ZBTB7C: variants seen among roughly 807,000 people sequenced by gnomAD.
The protein encoded by ZBTB7C is zinc finger and BTB domain-containing protein 7C.
ZBTB7C carries 8 observed loss-of-function variants against 25.7 expected under a neutral mutation model. That is an observed-to-expected ratio of 0.31 (90% CI 0.18 to 0.56). The LOEUF (loss-of-function observed/expected upper bound fraction) is 0.56, where lower values mean the gene tolerates loss of function less well. Ranked by LOEUF, ZBTB7C falls within the 20% of genes least tolerant of loss-of-function variation. The pLI is 0.91. For missense variants in ZBTB7C, 824 were observed against 855.2 expected, an observed-to-expected ratio of 0.96 and a Z score of 0.46; for synonymous variants, 394 against 369.0, an observed-to-expected ratio of 1.07 and a Z score of -0.78.
At chr18:48,155,499 T>C (rs958125721) in intron 3 of ZBTB7C, among the ~76,000 whole-genome samples, 4 of 148,606 alleles carry the variant, frequency 2.7e-5, no homozygotes, top group African/African-American at 1.0e-4. Flanking sequence ...GGCTAATTTT[T>C]TGTATTTTTT....
chr18:48,190,487 T>C (rs2042166664), intron 2 of ZBTB7C, among the ~76,000 whole-genome samples: 1 of 152,132 alleles, frequency 6.6e-6, no homozygotes, highest in Non-Finnish European at 1.5e-5. Flanking sequence ...TGAGCAATTG[T>C]CTTAGTGTCA....
At chr18:48,188,558 C>G (rs534884892) in intron 2 of ZBTB7C, among the ~76,000 whole-genome samples, 1 of 152,150 alleles carries the variant, frequency 6.6e-6, no homozygotes, top group Non-Finnish European at 1.5e-5. Flanking sequence ...GGGGACACAG[C>G]CAAACTATAT....
chr18:48,099,124 C>A (rs1224899171), intron 3 of ZBTB7C, among the ~76,000 whole-genome samples: 1 of 152,138 alleles, frequency 6.6e-6, no homozygotes, highest in Non-Finnish European at 1.5e-5. Flanking sequence ...GCCTCAGCTG[C>A]CTTATCAATA....
At chr18:48,093,750 A>T (rs987514480) in intron 3 of ZBTB7C, among the ~76,000 whole-genome samples, 2 of 152,206 alleles carry the variant, frequency 1.3e-5, no homozygotes, top group Admixed American at 6.5e-5. Flanking sequence ...GGTTTTTAAA[A>T]TTTTTAAAAG....
chr18:48,311,763 T>A (rs2045826449), intron 2 of ZBTB7C, among the ~76,000 whole-genome samples: 1 of 152,220 alleles, frequency 6.6e-6, no homozygotes, highest in South Asian at 2.1e-4. Flanking sequence ...ACAGTAAAGA[T>A]ATCAAAGTTA....
At chr18:48,351,385 G>A (rs995183765) in intron 1 of ZBTB7C, among the ~76,000 whole-genome samples, 2 of 152,116 alleles carry the variant, frequency 1.3e-5, no homozygotes, top group Admixed American at 6.5e-5. Flanking sequence ...AAGTTCAAAG[G>A]TGTTAAAAGA....
chr18:48,354,645 A>G (rs2046937871), intron 1 of ZBTB7C, among the ~76,000 whole-genome samples: 1 of 151,950 alleles, frequency 6.6e-6, no homozygotes, highest in African/African-American at 2.4e-5. Flanking sequence ...CATCTACTAG[A>G]CTCAGGAACT....
chr18:48,116,407 C>T (rs1009590632), intron 3 of ZBTB7C, among the ~76,000 whole-genome samples: 3 of 152,236 alleles, frequency 2.0e-5, no homozygotes, highest in African/African-American at 7.2e-5. Flanking sequence ...GCAGCCTCTT[C>T]CCAGGACCTA....
intron 2 of ZBTB7C, among the ~76,000 whole-genome samples, chr18:48,255,411 C>T (rs9954481): frequency 0.5 from 75,406 of 151,964 alleles, 20,246 homozygotes; most frequent in East Asian, 0.67. Flanking sequence ...TCTAAGAGGC[C>T]ATTGGTTTGG....
In ZBTB7C at chr18:48,245,345, T is replaced by C. The variant is rs572856137; in HGVS notation, c.-78-59350A>G. On this transcript the variant is annotated intron_variant, in intron 2 of 4. Coordinates refer to ENST00000590800, the MANE Select transcript of ZBTB7C (RefSeq NM_001318841.2). ...GGAAGGGTGGGAGGGGAGTGAGGGATAAAAGACTACACATTGGGTACAGTG... is the reference window on the plus strand; with the variant it reads ...GGAAGGGTGGGAGGGGAGTGAGGGACAAAAGACTACACATTGGGTACAGTG... Among the ~76,000 whole-genome samples the C allele has an allele frequency of 1.2e-4, 18 of 151,456 alleles. No homozygotes were observed. The South Asian group carries it at 3.8e-3, about 32-fold the overall frequency.
chr18:48,096,388 G>A (rs577330350), intron 3 of ZBTB7C, among the ~76,000 whole-genome samples: 1 of 152,294 alleles, frequency 6.6e-6, no homozygotes, highest in Non-Finnish European at 1.5e-5. Context: ...TTCTGGGCAG[G>A]GCACTTAGCG....
chr18:48,075,865 A>G (rs2037743310), intron 3 of ZBTB7C, among the ~76,000 whole-genome samples: 1 of 152,134 alleles, frequency 6.6e-6, no homozygotes, highest in Non-Finnish European at 1.5e-5. Flanking sequence ...AAGATGCCCC[A>G]TCCTCCCAAA....
At chr18:48,227,733 C>G (rs994594198) in intron 2 of ZBTB7C, among the ~76,000 whole-genome samples, 5 of 152,156 alleles carry the variant, frequency 3.3e-5, no homozygotes, top group Non-Finnish European at 1.5e-5. Flanking sequence ...GATTGCTGGA[C>G]TAGTCTTTGC....
intron 3 of ZBTB7C, among the ~76,000 whole-genome samples, chr18:48,166,836 T>G (rs576750763): frequency 2.0e-5 from 3 of 152,166 alleles, no homozygotes; most frequent in Non-Finnish European, 4.4e-5. Context: ...GGAACAAGCC[T>G]CTGGCACCTA....
Position 48,058,882 on chromosome 18 carries a change from G to T in ZBTB7C, c.-16-17759C>A, listed in dbSNP as rs553840856. On this transcript the variant is annotated intron_variant, in intron 3 of 4. Transcript: ENST00000590800. Reference sequence around the variant, plus strand: ...AGGAGAGGTATGAAGAGGGACTGAGGCCTCCCATCAACGGCCAGCACAACT... The same window carrying T: ...AGGAGAGGTATGAAGAGGGACTGAGTCCTCCCATCAACGGCCAGCACAACT... 1.1e-4 allele frequency among the ~76,000 whole-genome samples: 17 copies of T among 152,312 alleles called. No individual in the cohort carries two copies. In the South Asian group the frequency reaches 1.4e-3, roughly 13 times the overall value.
chr18:48,105,106 A>G lies in ZBTB7C; in HGVS notation c.-16-63983T>C, dbSNP rs181552232. 5.3e-4 allele frequency among the ~76,000 whole-genome samples: 80 copies of G among 152,314 alleles called. 1 individual carries two copies. In the East Asian group the frequency reaches 0.014, roughly 26 times the overall value. Reference sequence around the variant, plus strand: ...TGTCCAGAGTGTTTGCAAAGGATGTATGCTCCAGTCCTTTCGTTTCTGTCC... The same window carrying G: ...TGTCCAGAGTGTTTGCAAAGGATGTGTGCTCCAGTCCTTTCGTTTCTGTCC... On this transcript the variant is annotated intron_variant, in intron 3 of 4. Transcript: ENST00000590800.
At position 48,029,876 on chromosome 18, in the gene ZBTB7C, G is replaced by C; in HGVS notation, c.1244C>G (p.Thr415Arg). Residue 415 changes from threonine to arginine, a missense_variant, in exon 5 of 5, where the codon ACA becomes AGA. By Grantham distance (71) the Thr-to-Arg change is moderately conservative. Transcript: ENST00000590800. ...GATGCACAGGTAGGGCCGCTCCCCT[G>C]TGTGCTTCCGCATGTGGATTTTCAG... ...DKLKIHMRKH[T>R]GERPYLCIHC... The C allele has an allele frequency of 6.2e-7, 1 of 1,611,664 alleles. No homozygotes were observed. Among genetic ancestry groups the C allele is most frequent in the Non-Finnish European group, 8.5e-7 (1 of 1,180,012 alleles).
At chr18:48,076,851 T>C (rs1424160131) in intron 3 of ZBTB7C, 1 of 786,862 alleles carries the variant, frequency 1.3e-6, no homozygotes, top group Admixed American at 6.3e-5. Context: ...AATGTAGTCA[T>C]TATGCCCTGC....
chr18:48,147,469 C>T (rs2040529545), intron 3 of ZBTB7C, among the ~76,000 whole-genome samples: 1 of 152,178 alleles, frequency 6.6e-6, no homozygotes, highest in African/African-American at 2.4e-5. Flanking sequence ...AAACTGCTGA[C>T]CCAAGACCAT....
Sources: gnomAD v4.1 joint callset for allele counts (sites outside exome capture counted in the v4.1 genomes callset) on GRCh38, gnomAD v4.1.1 for gene constraint, MANE v1.5 for transcripts, NCBI Gene and HGNC (gene_info 2026-07-23, HGNC 2026-07-21) for gene names.